The following PRKCA variants were observed in gnomAD, a reference collection of about 807,000 sequenced individuals.
The protein encoded by PRKCA is protein kinase C alpha type.
PRKCA carries 27 observed loss-of-function variants against 87.0 expected under a neutral mutation model. That is an observed-to-expected ratio of 0.31 (90% CI 0.23 to 0.43). The LOEUF (loss-of-function observed/expected upper bound fraction) is 0.43, where lower values mean the gene tolerates loss of function less well. Among genes scored for constraint, PRKCA ranks in the 20% least tolerant of loss-of-function variants. The pLI, the probability that PRKCA is intolerant of heterozygous loss-of-function variation, is 1.00. For missense variants in PRKCA, 518 were observed against 852.3 expected (o/e 0.61, Z 4.88); for synonymous variants, 329 against 311.1 (o/e 1.06, Z -0.61).
intron 8 of PRKCA, among the ~76,000 whole-genome samples, chr17:66,690,528 T>C (rs1376587993): frequency 6.6e-6 from 1 of 152,158 alleles, no homozygotes; most frequent in Non-Finnish European, 1.5e-5. Context: ...TTGGCAGAGT[T>C]CTAATGTTAA....
chr17:66,603,224 C>G (rs143948658), intron 3 of PRKCA, among the ~76,000 whole-genome samples: 35 of 152,298 alleles, frequency 2.3e-4, no homozygotes, highest in African/African-American at 7.9e-4. Flanking sequence ...CCAGTGCTCT[C>G]TCTCTGCTGT....
At chr17:66,551,798 AG>A (rs752098774) in intron 3 of PRKCA, among the ~76,000 whole-genome samples, 4 of 151,998 alleles carry the variant, frequency 2.6e-5, no homozygotes, top group Admixed American at 2.6e-4. Flanking sequence ...TGAGAGAGAG[AG>A]GGGGGAATTA....
chr17:66,678,639 A>G (rs918015177), intron 5 of PRKCA, among the ~76,000 whole-genome samples: 4 of 151,048 alleles, frequency 2.6e-5, no homozygotes, highest in Non-Finnish European at 5.9e-5. Flanking sequence ...TTCCTCCTGC[A>G]TAGGGCTAAA....
Position 66,699,783 on chromosome 17 carries a change from C to T in PRKCA, c.918+10736C>T, listed in dbSNP as rs182769575. Among the ~76,000 whole-genome samples, 1,435 of 152,304 alleles carry T rather than the reference C, an allele frequency of 9.4e-3. 12 individuals carry two copies. The highest frequency in any genetic ancestry group is 0.015 in the Non-Finnish European group (1,003 of 68,024). ...TAGGGATGAGGTCTTGATGTGTTGC[C>T]CAGGCTGGTCTCAAACTCCTGGCCT... is the stretch of plus-strand genomic sequence containing the variant. On this transcript the variant is annotated intron_variant, in intron 8 of 16. Coordinates refer to ENST00000413366, the MANE Select transcript of PRKCA (RefSeq NM_002737.3).
chr17:66,453,370 C>T lies in PRKCA; in HGVS notation c.206-42831C>T, dbSNP rs768210310. ...TCTTGCTTTGTCACCCAGACTGGAG[C>T]GCAGTGGCTTGATCTCAGCTCACTG... On this transcript the variant is annotated intron_variant, in intron 2 of 16. Transcript: ENST00000413366. Among the ~76,000 whole-genome samples, 15 of 151,492 alleles carry T rather than the reference C, an allele frequency of 9.9e-5. 1 individual carries two copies. The highest frequency in any genetic ancestry group is 1.3e-4 in the Non-Finnish European group (9 of 67,918).
rs1975972560 is a variant in PRKCA, at chr17:66,804,214, A to G, written c.*177A>G. 2 of 799,894 alleles carry G rather than the reference A, an allele frequency of 2.5e-6. No homozygotes were observed. Among genetic ancestry groups the G allele is most frequent in the Non-Finnish European group, 3.7e-6 (2 of 541,418 alleles). The allele number at this position is 799,894 out of a possible 1,614,324, so 49.5% of individuals were successfully genotyped here. On this transcript the variant is annotated 3_prime_UTR_variant, in exon 17 of 17. Transcript: ENST00000413366. ...AACTGTTCAGGGTCTCTCTCTTACA[A>G]CCAAGAACATTATCTTAGTGGAAGA...
chr17:66,603,118 TC>T (rs1970103273), intron 3 of PRKCA, among the ~76,000 whole-genome samples: 1 of 152,184 alleles, frequency 6.6e-6, no homozygotes, highest in African/African-American at 2.4e-5. Flanking sequence ...TCCAGCGTCC[TC>T]CTCCTTCCTG....
intron 8 of PRKCA, among the ~76,000 whole-genome samples, chr17:66,702,193 C>T (rs896325731): frequency 2.7e-5 from 4 of 150,532 alleles, no homozygotes; most frequent in Non-Finnish European, 4.4e-5. Context: ...TGTGTATACA[C>T]ATATATGTAT....
At chr17:66,622,754 C>G (rs1226757081) in intron 3 of PRKCA, among the ~76,000 whole-genome samples, 1 of 152,194 alleles carries the variant, frequency 6.6e-6, no homozygotes, top group Non-Finnish European at 1.5e-5. Flanking sequence ...AAAGGCACTT[C>G]TTAACACGGT....
intron 3 of PRKCA, among the ~76,000 whole-genome samples, chr17:66,627,309 T>TG (rs145068341): frequency 0.014 from 2,186 of 151,994 alleles, 46 homozygotes; most frequent in African/African-American, 0.049. Flanking sequence ...GCGTGGGGGT[T>TG]GGGGGGAATG....
intron 13 of PRKCA, among the ~76,000 whole-genome samples, chr17:66,761,402 G>A (rs1974681508): frequency 6.6e-6 from 1 of 151,252 alleles, no homozygotes; most frequent in Non-Finnish European, 1.5e-5. Flanking sequence ...TTGGACTCTA[G>A]ACTCTTTGTT....
Position 66,638,378 on chromosome 17 carries a change from A to C in PRKCA, c.289-2977A>C, listed in dbSNP as rs528483058. 3 of 152,220 alleles carry C rather than the reference A, an allele frequency of 2.0e-5. No homozygotes were observed. In the East Asian group the frequency reaches 5.8e-4, roughly 29 times the overall value. The allele number at this position is 152,220 out of a possible 1,614,324, so 9.4% of individuals were successfully genotyped here. A position where few individuals can be genotyped will look rare whatever the true frequency, so the allele number is the denominator to read the frequency against. On this transcript the variant is annotated intron_variant, in intron 3 of 16. Coordinates refer to ENST00000413366, the MANE Select transcript of PRKCA (RefSeq NM_002737.3). ...ATGTGAACTGTTTCATATAAAAAAAAATCTGAGGTCTGATGTTCATCAACC... is the reference window on the plus strand; with the variant it reads ...ATGTGAACTGTTTCATATAAAAAAACATCTGAGGTCTGATGTTCATCAACC...
At chr17:66,354,374 A>G (rs554054814) in intron 2 of PRKCA, among the ~76,000 whole-genome samples, 3 of 152,312 alleles carry the variant, frequency 2.0e-5, no homozygotes, top group African/African-American at 7.2e-5. Flanking sequence ...TGCATACAGG[A>G]TGCTGAGCAT....
At chr17:66,732,492 C>T (rs1166450660) in intron 8 of PRKCA, among the ~76,000 whole-genome samples, 196 bp from the exon 9 acceptor site, 1 of 152,196 alleles carries the variant, frequency 6.6e-6, no homozygotes, top group Admixed American at 6.5e-5. Context: ...CAGTTTTCTG[C>T]TACCTTGCTG....
intron 2 of PRKCA, among the ~76,000 whole-genome samples, chr17:66,438,214 G>A (rs771589107): frequency 2.0e-5 from 3 of 152,128 alleles, no homozygotes; most frequent in African/African-American, 4.8e-5. Context: ...GGTGACCTTG[G>A]GACCCCGCAC....
chr17:66,676,505 A>G (rs1439499197), intron 5 of PRKCA: 1 of 152,262 alleles, frequency 6.6e-6, no homozygotes, highest in Non-Finnish European at 1.5e-5. Flanking sequence ...TACTGCGCAC[A>G]TGTTCCTTTA....
At position 66,731,614 on chromosome 17, in the gene PRKCA, T is replaced by G. The variant is rs376197589; in HGVS notation, c.919-1074T>G. On this transcript the variant is annotated intron_variant, in intron 8 of 16. Coordinates refer to ENST00000413366, the MANE Select transcript of PRKCA (RefSeq NM_002737.3). ...GGTTTACTGACCTTCCTTTTTCTGC[T>G]GAGCCCTTTTACCTTTTGCCTTTGA... Among the ~76,000 whole-genome samples, 25 of 152,202 alleles carry G rather than the reference T, an allele frequency of 1.6e-4. No individual in the cohort carries two copies. In the South Asian group the frequency reaches 1.7e-3, roughly 10 times the overall value.
At position 66,804,053 on chromosome 17, in the gene PRKCA, A is replaced by G. The variant is rs1194680413; in HGVS notation, c.*16A>G. 1.3e-6 allele frequency: 2 copies of G among 1,593,280 alleles called. No homozygotes were observed. Among genetic ancestry groups the G allele is most frequent in the Admixed American group, 1.7e-5 (1 of 59,618 alleles). The stretch of plus-strand genomic sequence containing the variant: ...TGCAGTATGAAACTCACCAGCGAGA[A>G]CAAACACCTCCCCAGCCCCCAGCCC... On this transcript the variant is annotated 3_prime_UTR_variant, in exon 17 of 17. Coordinates refer to ENST00000413366, the MANE Select transcript of PRKCA (RefSeq NM_002737.3).
At chr17:66,534,245 G>C (rs953833944) in intron 3 of PRKCA, among the ~76,000 whole-genome samples, 16 of 152,100 alleles carry the variant, frequency 1.1e-4, no homozygotes, top group African/African-American at 3.4e-4. Flanking sequence ...GGCGGAATTG[G>C]GGTCTCTGAG....
Sources: gnomAD v4.1 joint callset for allele counts (sites outside exome capture counted in the v4.1 genomes callset) on GRCh38, gnomAD v4.1.1 for gene constraint, MANE v1.5 for transcripts, NCBI Gene and HGNC (gene_info 2026-07-23, HGNC 2026-07-21) for gene names.